TENM2: variants seen among roughly 807,000 people sequenced by gnomAD.
TENM2 encodes the protein teneurin transmembrane protein 2.
In TENM2, 52 loss-of-function variants were observed where a neutral mutation model predicts 245.2. The observed-to-expected ratio is 0.21, with a 90% CI of 0.17 to 0.27. The LOEUF is 0.27. TENM2 is among the 10% of genes least tolerant of loss of function. The pLI is 1.00. For synonymous variants in TENM2, 1,363 were observed against 1,438.9 expected (o/e 0.95, Z 1.19); for missense variants, 3,046 against 3,666.8 (o/e 0.83, Z 4.37).
chr5:167,846,453 G>A (rs995814333), intron 2 of TENM2, among the ~76,000 whole-genome samples: 1 of 152,184 alleles, frequency 6.6e-6, no homozygotes, highest in Non-Finnish European at 1.5e-5. Context: ...GAAGGCAAGA[G>A]AAGCTCTGGC....
intron 2 of TENM2, among the ~76,000 whole-genome samples, chr5:167,676,235 C>A (rs1213583031): frequency 6.6e-6 from 1 of 151,580 alleles, no homozygotes; most frequent in Non-Finnish European, 1.5e-5. Context: ...TCAACTTATA[C>A]TGCAGCCTGT....
intron 2 of TENM2, among the ~76,000 whole-genome samples, chr5:167,843,768 A>C (rs1241278886): frequency 6.6e-6 from 1 of 152,210 alleles, no homozygotes; most frequent in Non-Finnish European, 1.5e-5. Flanking sequence ...AATGATGATA[A>C]AGGTTTATGC....
At chr5:168,012,698 G>C (rs1368134164) in intron 5 of TENM2, among the ~76,000 whole-genome samples, 1 of 133,570 alleles carries the variant, frequency 7.5e-6, no homozygotes, top group African/African-American at 2.8e-5. Context: ...CAATTCCAAA[G>C]TCCTTCTCAG....
chr5:167,821,111 G>C (rs1260165148), intron 2 of TENM2: 1 of 152,212 alleles, frequency 6.6e-6, no homozygotes, highest in African/African-American at 2.4e-5. Flanking sequence ...TTTAGTGAAA[G>C]GGACAGCGAT....
intron 5 of TENM2, among the ~76,000 whole-genome samples, chr5:168,042,833 A>G (rs1355639409): frequency 6.6e-6 from 1 of 152,094 alleles, no homozygotes; most frequent in Admixed American, 6.6e-5. Flanking sequence ...AGCCGGAGGG[A>G]TACTCTCAGA....
the TENM2 span, among the ~76,000 whole-genome samples, chr5:167,046,645 G>A: frequency 1.3e-5 from 2 of 152,206 alleles, no homozygotes; most frequent in South Asian, 2.1e-4. Flanking sequence ...TCTCTACCAA[G>A]CAGGCTGAAG....
chr5:168,050,328 G>A (rs756784964), intron 6 of TENM2, among the ~76,000 whole-genome samples: 11 of 152,062 alleles, frequency 7.2e-5, no homozygotes, highest in African/African-American at 2.2e-4. Context: ...AGTGACCTTG[G>A]GTTTGAATTT....
At chr5:168,137,143 G>C (rs143689043) in intron 12 of TENM2, among the ~76,000 whole-genome samples, 1 of 152,132 alleles carries the variant, frequency 6.6e-6, no homozygotes, top group Non-Finnish European at 1.5e-5. Context: ...GTCTAGAGAC[G>C]GAAAGCCCCA....
chr5:167,639,915 G>C (rs897950718), intron 2 of TENM2, among the ~76,000 whole-genome samples: 1 of 152,174 alleles, frequency 6.6e-6, no homozygotes, highest in Non-Finnish European at 1.5e-5. Flanking sequence ...AATGTCAGCT[G>C]TCTGATCTAC....
chr5:167,385,798 C>CTGTGA (rs544159556), intron 2 of TENM2, among the ~76,000 whole-genome samples: 150 of 151,128 alleles, frequency 9.9e-4, no homozygotes, highest in Non-Finnish European at 1.7e-3. Context: ...TAGAATAATG[C>CTGTGA]TGTGAAAGCT....
At position 167,417,890 on chromosome 5, in the gene TENM2, C is replaced by G. The variant is rs76076065; in HGVS notation, c.502+42417C>G. 2.6e-3 allele frequency among the ~76,000 whole-genome samples: 393 copies of G among 152,276 alleles called. 3 individuals are homozygous for G. The highest frequency in any genetic ancestry group is 9.1e-3 in the African/African-American group (377 of 41,566). ...CTTTTTGATAATTTGTGTTCCTCCT[C>G]CCCTTTGTGTACATTTGGAGACTGA... On this transcript the variant is annotated intron_variant, in intron 2 of 28. Transcript: ENST00000518659.
chr5:168,011,490 G>A (rs1785216318), intron 5 of TENM2, among the ~76,000 whole-genome samples: 1 of 152,196 alleles, frequency 6.6e-6, no homozygotes. Flanking sequence ...AATGATAATA[G>A]TGCCAAGGTT....
chr5:168,238,173 G>A (rs1455690915), intron 25 of TENM2, among the ~76,000 whole-genome samples: 2 of 75,302 alleles, frequency 2.7e-5, no homozygotes, highest in Non-Finnish European at 2.1e-5. Context: ...GAGAGAGAGA[G>A]AGAGAGAGAG....
intron 7 of TENM2, among the ~76,000 whole-genome samples, chr5:168,070,817 G>A (rs6897576): frequency 0.016 from 1,687 of 104,474 alleles, 37 homozygotes; most frequent in African/African-American, 0.053. Context: ...GAGAGAGAGA[G>A]AGAAAAAAAG....
intron 13 of TENM2, among the ~76,000 whole-genome samples, chr5:168,188,300 G>A (rs546421698): frequency 9.2e-5 from 14 of 152,296 alleles, no homozygotes; most frequent in African/African-American, 1.4e-4. Flanking sequence ...GTTTGAGTGC[G>A]TGTTTCCATG....
At chr5:167,341,235 G>GATATT (rs1758082054) in intron 1 of TENM2, among the ~76,000 whole-genome samples, 2 of 152,110 alleles carry the variant, frequency 1.3e-5, no homozygotes, top group African/African-American at 2.4e-5. Flanking sequence ...TAGAGAAGGG[G>GATATT]ATTTTATTTT....
intron 2 of TENM2, among the ~76,000 whole-genome samples, chr5:167,633,808 G>A (rs1398144957): frequency 6.6e-6 from 1 of 152,066 alleles, no homozygotes; most frequent in East Asian, 1.9e-4. Context: ...AGAAAACTGT[G>A]CCTGGAAATA....
intron 12 of TENM2, among the ~76,000 whole-genome samples, chr5:168,152,556 A>G (rs991788814): frequency 1.3e-5 from 2 of 152,206 alleles, no homozygotes; most frequent in South Asian, 4.1e-4. Context: ...AAAAATAACA[A>G]ATAAGAAATC....
At chr5:167,094,592 G>A in the TENM2 span, among the ~76,000 whole-genome samples, 1 of 152,096 alleles carries the variant, frequency 6.6e-6, no homozygotes, top group Admixed American at 6.6e-5. Flanking sequence ...ATATGTTTAT[G>A]TAGTCCACTG....
Sources: allele counts gnomAD v4.1 joint callset (sites outside exome capture counted in the v4.1 genomes callset), GRCh38; gene constraint gnomAD v4.1.1; transcripts MANE v1.5; gene names NCBI Gene and HGNC (gene_info 2026-07-23, HGNC 2026-07-21).